KIF4A: variants seen among roughly 807,000 people sequenced by gnomAD.
The protein encoded by KIF4A is kinesin family member 4A.
In KIF4A, 7 loss-of-function variants were observed where a neutral mutation model predicts 105.9. The ratio of observed to expected loss-of-function variants is 0.07; its 90% confidence interval spans 0.04 to 0.12. The LOEUF (loss-of-function observed/expected upper bound fraction) is 0.12. KIF4A is among the 10% of genes least tolerant of loss of function. The probability of loss-of-function intolerance (pLI) is 1.00; values close to 1 mark genes in which losing one functional copy is unlikely to be tolerated. For synonymous variants in KIF4A, 281 were observed against 331.3 expected (o/e 0.85, Z 1.65); for missense variants, 558 against 929.2 (o/e 0.60, Z 5.19).
intron 7 of KIF4A, among the ~76,000 whole-genome samples, chrX:70,311,124 TA>T (rs758864494): frequency 2.0e-3 from 191 of 97,046 alleles, no homozygotes; most frequent in Admixed American, 2.4e-3. Context: ...GACCCTGTCC[TA>T]AAAAAAAAAA....
At chrX:70,419,607 A>G in intron 29 of KIF4A, 54 bp from the exon 30 acceptor site, 1 of 1,202,737 alleles carries the variant, frequency 8.3e-7, no homozygotes, top group South Asian at 1.8e-5. Flanking sequence ...GAGCAGACTG[A>G]TTTTGTAAAC....
chrX:70,317,480 T>A (rs781730643), intron 7 of KIF4A, among the ~76,000 whole-genome samples: 1 of 109,948 alleles, frequency 9.1e-6, no homozygotes, highest in Non-Finnish European at 1.9e-5. Flanking sequence ...TCCGAGATCA[T>A]GATCCCCTTC....
At chrX:70,380,475 C>A (rs2147725887) in intron 18 of KIF4A, among the ~76,000 whole-genome samples, 1 of 112,204 alleles carries the variant, frequency 8.9e-6, no homozygotes, top group Non-Finnish European at 1.9e-5. Context: ...TGACAAAAAT[C>A]TAACACTCAT....
chrX:70,332,678 G>A lies in KIF4A; in HGVS notation c.1072-950G>A, dbSNP rs1033312247. ...ATAGGAAGGATCTTATAGAAAGGGA[G>A]AAATTGAAAATATAGAAGAGAGAAG... On this transcript the variant is annotated intron_variant, in intron 9 of 30. Coordinates refer to ENST00000374403, the MANE Select transcript of KIF4A (RefSeq NM_012310.5). 2.7e-5 allele frequency among the ~76,000 whole-genome samples: 3 copies of A among 110,971 alleles called. No homozygotes were observed. In the Admixed American group the frequency reaches 2.9e-4, roughly 11 times the overall value.
chrX:70,355,553 A>G (rs2086047485), intron 15 of KIF4A, among the ~76,000 whole-genome samples: 1 of 111,790 alleles, frequency 8.9e-6, no homozygotes, highest in Non-Finnish European at 1.9e-5. Context: ...CTGGAATGCA[A>G]TACGAGAACC....
chrX:70,330,179 T>C lies in KIF4A; in HGVS notation c.918T>C (p.His306=). 1.7e-6 allele frequency: 2 copies of C among 1,205,042 alleles called. No homozygotes were observed. Among genetic ancestry groups the C allele is most frequent in the Admixed American group, 2.2e-5 (1 of 45,342 alleles). The part of the protein sequence containing the change: ...LLQDSLGGNS[H]TLMIACVSPA... ...CAGATTCTCTAGGAGGTAATAGCCA[T>C]ACTCTTATGATAGCCTGTGTGAGTC... Residue 306 remains histidine (H), a synonymous_variant, in exon 9 of 31, where the codon CAT becomes CAC. Coordinates refer to ENST00000374403, the MANE Select transcript of KIF4A (RefSeq NM_012310.5).
In KIF4A at chrX:70,389,386, G is replaced by A. The variant is rs753167691; in HGVS notation, c.2232+2089G>A. Among the ~76,000 whole-genome samples, 87 of 112,316 alleles carry A rather than the reference G, an allele frequency of 7.7e-4. 2 individuals are homozygous for A. The highest frequency in any genetic ancestry group is 5.2e-3 in the South Asian group (14 of 2,714). On this transcript the variant is annotated intron_variant, in intron 20 of 30. Coordinates refer to ENST00000374403, the MANE Select transcript of KIF4A (RefSeq NM_012310.5). ...GTTCAAGACCATCCTGGCCAACATG[G>A]CAAAACCCCGTCTCTACTAAAAATA...
chrX:70,297,447 G>T (rs978175758), intron 4 of KIF4A, among the ~76,000 whole-genome samples: 1 of 111,988 alleles, frequency 8.9e-6, no homozygotes, highest in African/African-American at 3.2e-5. Flanking sequence ...TTCCAGTTTG[G>T]CCTCTGTTAC....
At chrX:70,390,663 G>T (rs2147731561) in intron 20 of KIF4A, among the ~76,000 whole-genome samples, 1 of 111,209 alleles carries the variant, frequency 9.0e-6, no homozygotes, top group East Asian at 2.8e-4. Context: ...AAACCCTTTT[G>T]TTGTATAGTT....
intron 3 of KIF4A, among the ~76,000 whole-genome samples, chrX:70,295,518 A>G (rs2085778681): frequency 1.8e-5 from 2 of 111,451 alleles, no homozygotes; most frequent in African/African-American, 6.5e-5. Context: ...TTCTGCAAAC[A>G]GTACTGATAA....
chrX:70,372,516 G>T (rs900126909), intron 15 of KIF4A, among the ~76,000 whole-genome samples: 2 of 114,214 alleles, frequency 1.8e-5, no homozygotes, highest in African/African-American at 6.4e-5. Context: ...GGTGGCGCGC[G>T]CCTGCAATCG....
intron 20 of KIF4A, 65 bp downstream of exon 20, chrX:70,387,362 C>T (rs77160325): frequency 1.5e-6 from 1 of 666,928 alleles, no homozygotes; most frequent in Non-Finnish European, 2.1e-6. Flanking sequence ...GGAGAAATAG[C>T]TTTTTTTTTT....
intron 7 of KIF4A, among the ~76,000 whole-genome samples, chrX:70,319,588 T>G (rs1164540677): frequency 8.9e-6 from 1 of 112,263 alleles, no homozygotes; most frequent in African/African-American, 3.2e-5. Context: ...CTGAGTGTTT[T>G]TCCCTGTAGA....
intron 15 of KIF4A, among the ~76,000 whole-genome samples, chrX:70,365,267 T>A (rs1434180939): frequency 8.9e-6 from 1 of 111,849 alleles, no homozygotes; most frequent in Non-Finnish European, 1.9e-5. Flanking sequence ...TGGCCAGAAC[T>A]TCCAACACTA....
intron 13 of KIF4A, among the ~76,000 whole-genome samples, chrX:70,344,336 A>G (rs193132934): frequency 8.9e-6 from 1 of 112,193 alleles, no homozygotes; most frequent in East Asian, 2.8e-4. Flanking sequence ...TAAATAAGCT[A>G]AATTCTGACA....
chrX:70,302,113 A>G, intron 6 of KIF4A, 47 bp downstream of exon 6: 2 of 1,165,288 alleles, frequency 1.7e-6, no homozygotes, highest in Non-Finnish European at 2.3e-6. Context: ...TAGTTCTATT[A>G]AGGTTAAACA....
chrX:70,353,858 T>C (rs1414634557), intron 15 of KIF4A, 51 bp downstream of exon 15: 3 of 966,335 alleles, frequency 3.1e-6, no homozygotes, highest in Non-Finnish European at 4.2e-6. Context: ...TCTCTTAAAC[T>C]GAATGGGAAG....
chrX:70,301,207 C>T (rs112776908), intron 5 of KIF4A, among the ~76,000 whole-genome samples: 6,239 of 111,137 alleles, frequency 0.056, 151 homozygotes, highest in South Asian at 0.15. Flanking sequence ...TTATAATTGA[C>T]TGATTTCAAA....
rs2086299833 is a variant in KIF4A at position 70,406,260 on chromosome X, A to G, written c.2978A>G (p.Lys993Arg). Residue 993 changes from lysine to arginine, a missense_variant and splice_region_variant, in exon 27 of 31, where the codon AAA becomes AGA. Physicochemically the swap from Lys to Arg is conservative, Grantham distance 26 (BLOSUM62 2). This residue lies in a region of KIF4A where 469 missense variants were observed against 680.4 expected (regional missense o/e 0.69). Coordinates refer to ENST00000374403, the MANE Select transcript of KIF4A (RefSeq NM_012310.5). ...LLRENEIIKQ[K>R]LTLLQVASRQ... is the part of the protein sequence containing the mutation. ...ACTTTGTCTCTTCTTTTCAAATAGA[A>G]ACTGACCCTCCTCCAGGTAGCCAGC... The G allele has an allele frequency of 8.3e-7, 1 of 1,202,740 alleles. No homozygotes were observed. The highest frequency in any genetic ancestry group is 1.8e-5 in the South Asian group (1 of 56,716).
Sources: allele counts gnomAD v4.1 joint callset (sites outside exome capture counted in the v4.1 genomes callset), GRCh38; gene constraint gnomAD v4.1.1; regional missense constraint gnomAD v4.1.1; transcripts MANE v1.5; gene names NCBI Gene and HGNC (gene_info 2026-07-23, HGNC 2026-07-21).